Variants in ZBTB20 observed in about 807,000 individuals in gnomAD.
ZBTB20 encodes the protein zinc finger and BTB domain containing 20, also known as zinc finger and BTB domain-containing protein 20.
A neutral mutation model predicts 56.9 loss-of-function variants in ZBTB20; 9 were observed. That is an observed-to-expected ratio of 0.16 (90% CI 0.10 to 0.28). The LOEUF (loss-of-function observed/expected upper bound fraction) is 0.28, where lower values mean the gene tolerates loss of function less well. ZBTB20 is among the 10% of genes least tolerant of loss of function. ZBTB20 has a pLI of 1.00. For missense variants in ZBTB20, 655 were observed against 1,003.0 expected, an observed-to-expected ratio of 0.65 and a Z score of 4.69; for synonymous variants, 417 against 420.7, an observed-to-expected ratio of 0.99 and a Z score of 0.11.
intron 1 of ZBTB20, among the ~76,000 whole-genome samples, chr3:115,125,288 A>G (rs2084295667): frequency 6.6e-6 from 1 of 152,022 alleles, no homozygotes; most frequent in Admixed American, 6.6e-5. Flanking sequence ...GACAGGAGTG[A>G]ACCATGATTG....
At chr3:114,410,315 A>T (rs1034369520) in intron 7 of ZBTB20, among the ~76,000 whole-genome samples, 1 of 151,932 alleles carries the variant, frequency 6.6e-6, no homozygotes, top group African/African-American at 2.4e-5. Context: ...TCTGGCCTTA[A>T]TGGGGACAGA....
intron 6 of ZBTB20, among the ~76,000 whole-genome samples, chr3:114,690,004 A>G (rs896058868): frequency 4.6e-5 from 7 of 152,160 alleles, no homozygotes; most frequent in Non-Finnish European, 7.3e-5. Flanking sequence ...CAGAGGGGAA[A>G]AAGAAATGGA....
At chr3:114,742,714 A>G (rs73857563) in intron 5 of ZBTB20, among the ~76,000 whole-genome samples, 1,890 of 152,296 alleles carry the variant, frequency 0.012, 37 homozygotes, top group African/African-American at 0.043. Flanking sequence ...ACACTAGGCC[A>G]GTGGTTTTTT....
intron 6 of ZBTB20, among the ~76,000 whole-genome samples, chr3:114,643,366 A>G (rs2059658383): frequency 6.6e-6 from 1 of 152,116 alleles, no homozygotes; most frequent in African/African-American, 2.4e-5. Flanking sequence ...GAGTTCTAAT[A>G]AGGAACAAAG....
intron 1 of ZBTB20, among the ~76,000 whole-genome samples, chr3:115,074,915 C>T (rs1435333523): frequency 6.6e-6 from 1 of 152,044 alleles, no homozygotes; most frequent in Non-Finnish European, 1.5e-5. Context: ...AGAAATCATA[C>T]TTCAAAATTT....
chr3:114,686,826 ACTTC>A (rs1440008668), intron 6 of ZBTB20, among the ~76,000 whole-genome samples: 2 of 152,050 alleles, frequency 1.3e-5, no homozygotes, highest in Non-Finnish European at 2.9e-5. Context: ...GTTTGGCAGA[ACTTC>A]CTTCCTTCCC....
intron 2 of ZBTB20, among the ~76,000 whole-genome samples, chr3:115,001,774 C>T (rs1281489981): frequency 6.6e-6 from 1 of 151,272 alleles, no homozygotes; most frequent in Admixed American, 6.6e-5. Context: ...AGAGATATTC[C>T]ATGTTCATGG....
intron 7 of ZBTB20, among the ~76,000 whole-genome samples, chr3:114,408,639 A>C (rs1427118340): frequency 6.6e-6 from 1 of 152,062 alleles, no homozygotes; most frequent in African/African-American, 2.4e-5. Context: ...GTCTGGTTGC[A>C]TTGATTTGTG....
chr3:114,722,391 T>G (rs781567867), intron 5 of ZBTB20, among the ~76,000 whole-genome samples: 10 of 152,326 alleles, frequency 6.6e-5, no homozygotes, highest in Admixed American at 3.3e-4. Context: ...TGCAACCCCT[T>G]TCTCTTTGTT....
intron 1 of ZBTB20, among the ~76,000 whole-genome samples, chr3:115,107,382 T>G (rs2083752791): frequency 6.6e-6 from 1 of 150,732 alleles, no homozygotes; most frequent in Non-Finnish European, 1.5e-5. Flanking sequence ...GTTGCACCAC[T>G]GCACTGCAAC....
At chr3:115,131,770 G>A (rs2084512770) in intron 1 of ZBTB20, among the ~76,000 whole-genome samples, 1 of 152,136 alleles carries the variant, frequency 6.6e-6, no homozygotes, top group South Asian at 2.1e-4. Context: ...TACTGTTAAG[G>A]TGCAAAATGG....
At chr3:114,758,773 G>A (rs952548910) in intron 5 of ZBTB20, 1 of 151,994 alleles carries the variant, frequency 6.6e-6, no homozygotes, top group Admixed American at 6.6e-5. Flanking sequence ...TCAGAAATAC[G>A]CTGAGCTCCA....
chr3:114,360,238 C>G (rs1312306180), intron 10 of ZBTB20, among the ~76,000 whole-genome samples: 1 of 151,888 alleles, frequency 6.6e-6, no homozygotes, highest in Admixed American at 6.6e-5. Context: ...CTCAAATGTT[C>G]TCTTCCCTTG....
chr3:114,413,179 C>T (rs531833018), intron 7 of ZBTB20, among the ~76,000 whole-genome samples: 2 of 152,166 alleles, frequency 1.3e-5, no homozygotes, highest in Admixed American at 1.3e-4. Flanking sequence ...ATGAAGATTT[C>T]TATTTATAAT....
chr3:115,024,316 A>AG (rs1172648545), intron 2 of ZBTB20, among the ~76,000 whole-genome samples: 27 of 151,116 alleles, frequency 1.8e-4, no homozygotes, highest in African/African-American at 5.8e-4. Flanking sequence ...TTTGACACGG[A>AG]AGAGCTTACA....
chr3:114,409,438 T>C (rs769995548), intron 7 of ZBTB20, among the ~76,000 whole-genome samples: 15 of 151,886 alleles, frequency 9.9e-5, no homozygotes, highest in Non-Finnish European at 1.6e-4. Flanking sequence ...TCCATTTTAA[T>C]ACACCACTGA....
intron 2 of ZBTB20, among the ~76,000 whole-genome samples, chr3:115,042,201 C>G (rs936277418): frequency 7.2e-5 from 11 of 152,170 alleles, no homozygotes; most frequent in African/African-American, 2.7e-4. Context: ...AAAAGAGGAG[C>G]TGATAGGAGC....
rs11426311 is a variant in ZBTB20 at position 115,084,285 on chromosome 3, C to CAAA, written c.-702-12874_-702-12872dup. 9.8e-3 allele frequency among the ~76,000 whole-genome samples: 1,169 copies of CAAA among 119,812 alleles called. 22 individuals are homozygous for CAAA. Among genetic ancestry groups the CAAA allele is most frequent in the South Asian group, 0.025 (93 of 3,688 alleles). 78.6% of individuals were successfully genotyped at this position (119,812 alleles called of 152,430 possible). Reference sequence around the variant, plus strand: ...GCTTACCATACTGCATGAAGAGTGCCAAAAAAAAAAAAAAAAAGACTAGAG... The same window carrying CAAA: ...GCTTACCATACTGCATGAAGAGTGCCAAAAAAAAAAAAAAAAAAAAGACTAGAG... On this transcript the variant is annotated intron_variant, in intron 1 of 11. Transcript: ENST00000675478.
chr3:114,609,049 A>T (rs1353564568), intron 6 of ZBTB20, among the ~76,000 whole-genome samples: 1 of 152,202 alleles, frequency 6.6e-6, no homozygotes, highest in Non-Finnish European at 1.5e-5. Flanking sequence ...ACATCGCCTC[A>T]TCTCTCTGAT....
Sources: allele counts gnomAD v4.1 joint callset (sites outside exome capture counted in the v4.1 genomes callset), GRCh38; gene constraint gnomAD v4.1.1; transcripts MANE v1.5; gene names NCBI Gene and HGNC (gene_info 2026-07-23, HGNC 2026-07-21).